Variants in SLC12A1 observed in about 807,000 individuals in gnomAD.
SLC12A1 encodes the protein Na-K-2Cl cotransporter.
SLC12A1 carries 89 observed loss-of-function variants against 130.4 expected under a neutral mutation model. The ratio of observed to expected loss-of-function variants is 0.68; its 90% CI spans 0.58 to 0.81. SLC12A1 has a LOEUF of 0.81. Among genes scored for constraint, SLC12A1 ranks in the 40% least tolerant of loss-of-function variants. The pLI is 0.00. For synonymous variants in SLC12A1, 499 were observed against 460.0 expected, an observed-to-expected ratio of 1.08 and a Z score of -1.09; for missense variants, 1,310 against 1,336.4, an observed-to-expected ratio of 0.98 and a Z score of 0.31.
chr15:48,229,068 G>A, intron 5 of SLC12A1, 121 bp from the exon 6 acceptor site: 1 of 1,083,616 alleles, frequency 9.2e-7, no homozygotes, highest in Non-Finnish European at 1.3e-6. Context: ...TAAAATTACT[G>A]GGAAGTTGTA....
At chr15:48,282,034 C>T (rs548157521) in intron 20 of SLC12A1, among the ~76,000 whole-genome samples, 2 of 152,136 alleles carry the variant, frequency 1.3e-5, no homozygotes, top group South Asian at 2.1e-4. Flanking sequence ...TGTTGAAATG[C>T]GAAAAGGAAG....
At chr15:48,269,975 G>A (rs1597443646) in intron 19 of SLC12A1, among the ~76,000 whole-genome samples, 1 of 152,172 alleles carries the variant, frequency 6.6e-6, no homozygotes, top group East Asian at 1.9e-4. Flanking sequence ...CAGGGTGAGA[G>A]AAACGCCCGT....
In SLC12A1 at chr15:48,280,385, G is replaced by A. The variant is rs567796103; in HGVS notation, c.2486-4721G>A. Among the ~76,000 whole-genome samples, 77 of 152,258 alleles carry A rather than the reference G, an allele frequency of 5.1e-4. 1 individual carries two copies. The South Asian group carries it at 0.012, about 24-fold the overall frequency. The stretch of plus-strand genomic sequence containing the variant: ...TTACTGTGAAAACTGTTTGGGATGT[G>A]GATGACAAAATTGATTAGAAACCTG... On this transcript the variant is annotated intron_variant, in intron 20 of 26. Coordinates refer to ENST00000380993, the MANE Select transcript of SLC12A1 (RefSeq NM_000338.3).
chr15:48,293,116 C>T (rs1287589533), intron 24 of SLC12A1, among the ~76,000 whole-genome samples: 1 of 152,090 alleles, frequency 6.6e-6, no homozygotes, highest in Non-Finnish European at 1.5e-5. Flanking sequence ...GCCATGTTGC[C>T]CAGGCTGGTC....
intron 2 of SLC12A1, among the ~76,000 whole-genome samples, chr15:48,220,238 C>CAAAA (rs2041193421): frequency 6.6e-6 from 1 of 151,796 alleles, no homozygotes; most frequent in Non-Finnish European, 1.5e-5. Flanking sequence ...CTACTTAGCT[C>CAAAA]AGGAAGTTTC....
At chr15:48,260,380 A>ACC (rs1468338952) in intron 17 of SLC12A1, among the ~76,000 whole-genome samples, 2 of 144,160 alleles carry the variant, frequency 1.4e-5, no homozygotes, top group African/African-American at 5.6e-5. Context: ...ACACACACAC[A>ACC]CACCACTGAA....
intron 9 of SLC12A1, 142 bp from the exon 10 acceptor site, chr15:48,241,373 A>G (rs1341677089): frequency 1.4e-6 from 1 of 694,052 alleles, no homozygotes; most frequent in East Asian, 2.6e-5. Context: ...CAAGCTCATC[A>G]ACTTGCTGTT....
chr15:48,275,815 T>C (rs1431094854), intron 20 of SLC12A1, among the ~76,000 whole-genome samples: 4 of 152,168 alleles, frequency 2.6e-5, no homozygotes, highest in Admixed American at 2.0e-4. Flanking sequence ...ATTTGTCATA[T>C]TAAAAAGATG....
intron 23 of SLC12A1, among the ~76,000 whole-genome samples, chr15:48,289,423 A>ATG (rs2042095424): frequency 9.5e-6 from 1 of 105,554 alleles, no homozygotes; most frequent in African/African-American, 3.7e-5. Context: ...ATATATATAT[A>ATG]TATATAATGT....
Position 48,254,592 on chromosome 15 carries a change from T to TAAAAAAAAAAAA in SLC12A1, c.1943-1192_1943-1181dup, listed in dbSNP as rs550686114. ...AAGATCCATTTAATACTTAAATTCG[T>TAAAAAAAAAAAA]AAAAAAAAAAAAAAAAAAAAAAAAA... On this transcript the variant is annotated intron_variant, in intron 15 of 26. Transcript: ENST00000380993. Among the ~76,000 whole-genome samples, 32 of 52,888 alleles carry TAAAAAAAAAAAA rather than the reference T, an allele frequency of 6.1e-4. 3 individuals carry two copies. Among genetic ancestry groups the TAAAAAAAAAAAA allele is most frequent in the Non-Finnish European group, 1.1e-3 (25 of 23,406 alleles). 34.7% of individuals were successfully genotyped at this position (52,888 alleles called of 152,430 possible).
intron 26 of SLC12A1, among the ~76,000 whole-genome samples, chr15:48,302,390 G>A (rs955974893): frequency 6.6e-6 from 1 of 151,876 alleles, no homozygotes; most frequent in Non-Finnish European, 1.5e-5. Flanking sequence ...GGAGGCCGAG[G>A]CGGGTGGATC....
At chr15:48,276,663 C>T (rs928807987) in intron 20 of SLC12A1, among the ~76,000 whole-genome samples, 11 of 152,152 alleles carry the variant, frequency 7.2e-5, no homozygotes, top group African/African-American at 2.7e-4. Context: ...TTATGACACC[C>T]TGTCTGTGAC....
intron 17 of SLC12A1, among the ~76,000 whole-genome samples, chr15:48,262,402 G>A (rs2041785098): frequency 6.6e-6 from 1 of 151,970 alleles, no homozygotes. Context: ...TGCAACTGCA[G>A]CATGGTAAAT....
In SLC12A1 at chr15:48,244,744, T is replaced by G. The variant is rs756917078; in HGVS notation, c.1301-9T>G. The G allele has an allele frequency of 1.2e-6, 2 of 1,613,844 alleles. No homozygotes were observed. The highest frequency in any genetic ancestry group is 3.3e-5 in the Admixed American group (2 of 59,996). Reference sequence around the variant, plus strand: ...ATAAAGAAATAACAAGCCACGGTTGTTTCCACAGGGGCCTGTGTGGTCCGA... The same window carrying G: ...ATAAAGAAATAACAAGCCACGGTTGGTTCCACAGGGGCCTGTGTGGTCCGA... On this transcript the variant is annotated splice_polypyrimidine_tract_variant and intron_variant, in intron 10 of 26. Coordinates refer to ENST00000380993, the MANE Select transcript of SLC12A1 (RefSeq NM_000338.3).
At chr15:48,244,716 T>C (rs768145691) in intron 10 of SLC12A1, 37 bp from the exon 11 acceptor site, 14 of 1,611,434 alleles carry the variant, frequency 8.7e-6, no homozygotes, top group Admixed American at 5.0e-5. Flanking sequence ...GGACCAGAAC[T>C]TTATAAAGAA....
chr15:48,238,557 G>T (rs906700595), intron 9 of SLC12A1, among the ~76,000 whole-genome samples: 1 of 152,184 alleles, frequency 6.6e-6, no homozygotes, highest in African/African-American at 2.4e-5. Context: ...GCCTTGAGAA[G>T]TAGTAACGTG....
chr15:48,266,637 A>C (rs139206224), intron 17 of SLC12A1, among the ~76,000 whole-genome samples: 27 of 152,272 alleles, frequency 1.8e-4, no homozygotes, highest in African/African-American at 6.5e-4. Context: ...CAAGTGATTC[A>C]TGTAAAATCT....
intron 17 of SLC12A1, among the ~76,000 whole-genome samples, chr15:48,265,528 C>A (rs1371208429): frequency 6.6e-6 from 1 of 152,112 alleles, no homozygotes; most frequent in Non-Finnish European, 1.5e-5. Context: ...ACTAGTGATT[C>A]AAAATGCATT....
intron 18 of SLC12A1, among the ~76,000 whole-genome samples, chr15:48,269,245 A>G (rs559524004): frequency 6.6e-6 from 1 of 152,340 alleles, no homozygotes; most frequent in Admixed American, 6.5e-5. Flanking sequence ...ATCCTTGTAC[A>G]TAAGAATTTT....
Sources: allele counts gnomAD v4.1 joint callset (sites outside exome capture counted in the v4.1 genomes callset), GRCh38; gene constraint gnomAD v4.1.1; transcripts MANE v1.5; gene names NCBI Gene and HGNC (gene_info 2026-07-23, HGNC 2026-07-21).